The following HERC1 variants were observed in gnomAD, a reference collection of about 807,000 sequenced individuals.
The protein encoded by HERC1 is HECT and RLD domain containing E3 ubiquitin protein ligase family member 1.
Under a neutral mutation model 554.3 loss-of-function variants are expected in HERC1, and 160 were observed. The ratio of observed to expected loss-of-function variants is 0.29; its 90% CI spans 0.25 to 0.33. The LOEUF is 0.33. Among genes scored for constraint, HERC1 ranks in the 10% least tolerant of loss-of-function variants. The pLI is 1.00. For synonymous variants in HERC1, 2,175 were observed against 2,131.7 expected (o/e 1.02, Z -0.56); for missense variants, 4,919 against 5,918.5 (o/e 0.83, Z 5.54).
At chr15:63,684,250 C>G (rs1409335367) in intron 34 of HERC1, among the ~76,000 whole-genome samples, 3 of 152,196 alleles carry the variant, frequency 2.0e-5, no homozygotes, top group African/African-American at 7.2e-5. Context: ...ACTCTACATC[C>G]CTCACCTTTC....
chr15:63,706,197 A>C (rs771653753), intron 25 of HERC1, among the ~76,000 whole-genome samples: 4 of 151,956 alleles, frequency 2.6e-5, no homozygotes, highest in Non-Finnish European at 5.9e-5. Flanking sequence ...AAAGACCTTA[A>C]CTCTCAATGA....
intron 24 of HERC1, among the ~76,000 whole-genome samples, chr15:63,707,695 G>A (rs952796544): frequency 2.6e-5 from 4 of 152,044 alleles, no homozygotes; most frequent in African/African-American, 9.7e-5. Flanking sequence ...TTGGAAAGCC[G>A]AGGCAGGTGG....
intron 1 of HERC1, among the ~76,000 whole-genome samples, chr15:63,786,914 A>ATTTTTTTTTTTTTTTTTT (rs780871966): frequency 7.4e-6 from 1 of 135,548 alleles, no homozygotes; most frequent in Non-Finnish European, 1.6e-5. Flanking sequence ...AACTCAATAA[A>ATTTTTTTTTTTTTTTTTT]TTATTATTTT....
In HERC1 at chr15:63,675,002, G is replaced by A. The variant is rs909416504; in HGVS notation, c.7186C>T (p.Leu2396=). The change falls in exon 38 of 78, where the codon CTA becomes TTA. Residue 2396 remains leucine (L), a synonymous_variant. Coordinates refer to ENST00000443617, the MANE Select transcript of HERC1 (RefSeq NM_003922.4). ...TCATGAACGCCAGTGAGATATGTTA[G>A]GTCCAGCAGCACAGAAGCCGTCAGG... The part of the protein sequence containing the change: ...RGLTASVLLD[L]TYLTGVHEDM... The A allele has an allele frequency of 6.2e-7, 1 of 1,614,016 alleles. No individual in the cohort carries two copies. Among genetic ancestry groups the A allele is most frequent in the African/African-American group, 1.3e-5 (1 of 75,054 alleles).
Position 63,692,914 on chromosome 15 carries a change from C to G in HERC1, c.5675-348G>C, listed in dbSNP as rs2072188287. Reference sequence around the variant, plus strand: ...CCAAATATCAGGACAGGCGCAATGGCTCACATCTGTAATCCCAGCACTTTG... The same window carrying G: ...CCAAATATCAGGACAGGCGCAATGGGTCACATCTGTAATCCCAGCACTTTG... On this transcript the variant is annotated intron_variant, in intron 30 of 77. Transcript: ENST00000443617. The surrounding 1 kb of genome is among the most constrained non-coding windows in gnomAD (Gnocchi z 4.7). 6.6e-6 allele frequency among the ~76,000 whole-genome samples: 1 copy of G among 152,188 alleles called. No homozygotes were observed.
chr15:63,696,211 C>T lies in HERC1; in HGVS notation c.5034G>A (p.Arg1678=). Residue 1678 remains arginine, a synonymous_variant, in exon 27 of 78, where the codon AGG becomes AGA. Transcript: ENST00000443617. The part of the protein sequence containing the change: ...FQSSTLLTSV[R]LQFLAGCFGL... The stretch of plus-strand genomic sequence containing the variant: ...CAAAACACCCTGCTAGGAACTGCAG[C>T]CTCACAGACGTGAGTAGTGTGGAGG... The T allele has an allele frequency of 1.2e-6, 2 of 1,613,542 alleles. No homozygotes were observed. Among genetic ancestry groups the T allele is most frequent in the African/African-American group, 1.3e-5 (1 of 75,046 alleles).
At chr15:63,714,161 G>A (rs926153711) in intron 22 of HERC1, among the ~76,000 whole-genome samples, 4 of 151,710 alleles carry the variant, frequency 2.6e-5, no homozygotes, top group African/African-American at 7.3e-5. Flanking sequence ...TTTCTGAAAC[G>A]TTCACAAGCT....
intron 1 of HERC1, among the ~76,000 whole-genome samples, chr15:63,799,603 T>C (rs555993080): frequency 6.6e-6 from 1 of 152,268 alleles, no homozygotes; most frequent in Admixed American, 6.5e-5. Context: ...AATTATGATC[T>C]CCATGGGTAG....
In HERC1 at chr15:63,674,514, C is replaced by G; in HGVS notation, c.7674G>C (p.Glu2558Asp). The G allele has an allele frequency of 6.2e-7, 1 of 1,613,672 alleles. No individual in the cohort carries two copies. The highest frequency in any genetic ancestry group is 8.5e-7 in the Non-Finnish European group (1 of 1,179,724). Residue 2558 changes from glutamate (E) to aspartate (D), a missense_variant, in exon 38 of 78, where the codon GAG (glutamate) becomes GAC (aspartate). This residue lies in a region of HERC1 where 1,963 missense variants were observed against 2,228.6 expected (regional missense o/e 0.88). Transcript: ENST00000443617. ...TCAAGAACTGCAGGGCTGCTCGCAT[C>G]TCCACGTCTTCATGAACAACTGGAG... ...ASSPVVHEDV[E>D]MRAALQFLMR...
chr15:63,776,085 T>TGTA (rs1158582800), intron 1 of HERC1, among the ~76,000 whole-genome samples: 8 of 151,628 alleles, frequency 5.3e-5, no homozygotes, highest in Non-Finnish European at 1.2e-4. Flanking sequence ...TTTCTTCAGA[T>TGTA]GTACCTTTTC....
intron 24 of HERC1, among the ~76,000 whole-genome samples, chr15:63,707,232 A>C (rs1166879554): frequency 6.6e-6 from 1 of 152,186 alleles, no homozygotes; most frequent in Non-Finnish European, 1.5e-5. Flanking sequence ...TTTCTTTTCA[A>C]AACTTCCACT....
chr15:63,658,658 G>C lies in HERC1; in HGVS notation c.9485C>G (p.Ala3162Gly). ...ACGGTCATGAGGGTTTGCTAGGGCA[G>C]CTGCCTGCTCTCCTAACGTTATTCT... ...SGRITLGEQA[A>G]ALANPHDRVV... The change falls in exon 48 of 78, where the codon GCT becomes GGT. Residue 3162 changes from alanine to glycine, a missense_variant. Physicochemically the swap from Ala to Gly is moderately conservative, Grantham distance 60. Transcript: ENST00000443617. 4 of 1,613,886 alleles carry C rather than the reference G, an allele frequency of 2.5e-6. No homozygotes were observed. The highest frequency in any genetic ancestry group is 3.4e-6 in the Non-Finnish European group (4 of 1,179,766).
At chr15:63,701,017 GT>G (rs869110161) in intron 25 of HERC1, among the ~76,000 whole-genome samples, 6 of 151,010 alleles carry the variant, frequency 4.0e-5, no homozygotes, top group African/African-American at 1.5e-4. Flanking sequence ...CATTGAACTT[GT>G]TTTTTGGGGG....
rs770067924 is a variant in HERC1 at position 63,624,231 on chromosome 15, G to A, written c.13372C>T (p.Arg4458Cys). ...TGAACCATGGTTTTTCCTATGGAGC[G>A]CACCATTGGCAGAGTGTAGACTCTT... ...APRVYTLPMV[R>C]SIGKTMVQGK... The change falls in exon 72 of 78, where the codon CGC becomes TGC. Residue 4458 changes from arginine to cysteine, a missense_variant. Arg to Cys is a radical substitution (Grantham distance 180, BLOSUM62 -3). Transcript: ENST00000443617. The A allele has an allele frequency of 1.6e-5, 26 of 1,613,670 alleles. No homozygotes were observed. Among genetic ancestry groups the A allele is most frequent in the Non-Finnish European group, 2.0e-5 (24 of 1,179,600 alleles).
At position 63,773,545 on chromosome 15, in the gene HERC1, T is replaced by A. The variant is rs576974459; in HGVS notation, c.930+1149A>T. On this transcript the variant is annotated intron_variant, in intron 2 of 77. Transcript: ENST00000443617. ...ATATTTTAAATTTGTATTTTATTTT[T>A]TTTTATTTTATTTTATTTTTGAGAC... Among the ~76,000 whole-genome samples, 28 of 152,088 alleles carry A rather than the reference T, an allele frequency of 1.8e-4. No individual in the cohort carries two copies. In the East Asian group the frequency reaches 2.9e-3, roughly 16 times the overall value.
chr15:63,770,776 C>A (rs2075928285), intron 2 of HERC1, among the ~76,000 whole-genome samples: 1 of 152,142 alleles, frequency 6.6e-6, no homozygotes, highest in Non-Finnish European at 1.5e-5. Flanking sequence ...TAAGTTCTGG[C>A]CCAGTTACTC....
chr15:63,629,338 C>A (rs541405451), intron 69 of HERC1, among the ~76,000 whole-genome samples: 1 of 152,182 alleles, frequency 6.6e-6, no homozygotes, highest in African/African-American at 2.4e-5. Context: ...AAGGCCATTC[C>A]AAATCTAGCA....
intron 62 of HERC1, 61 bp downstream of exon 62, chr15:63,638,650 A>T: frequency 6.3e-7 from 1 of 1,584,884 alleles, no homozygotes; most frequent in Admixed American, 1.7e-5. Flanking sequence ...CAAACACACA[A>T]GCATTTAGAA....
chr15:63,668,773 T>C (rs975371217), intron 40 of HERC1, among the ~76,000 whole-genome samples: 2 of 152,172 alleles, frequency 1.3e-5, no homozygotes, highest in Non-Finnish European at 2.9e-5. Context: ...CTTTAAAATA[T>C]ATGAAACAGA....
Sources: gnomAD v4.1 joint callset for allele counts (sites outside exome capture counted in the v4.1 genomes callset) on GRCh38, gnomAD v4.1.1 for gene constraint, gnomAD v4.1.1 regional missense constraint, Gnocchi (gnomAD v3.1) non-coding constraint, MANE v1.5 for transcripts, NCBI Gene and HGNC (gene_info 2026-07-23, HGNC 2026-07-21) for gene names.